The following KLHL4 variants were observed in gnomAD, a reference collection of about 807,000 sequenced individuals.
KLHL4 encodes kelch-like protein 4.
KLHL4 carries 17 observed loss-of-function variants against 45.8 expected under a neutral mutation model. The ratio of observed to expected loss-of-function variants is 0.37; its 90% confidence interval spans 0.25 to 0.56. The LOEUF is 0.56. Among genes scored for constraint, KLHL4 ranks in the 20% least tolerant of loss-of-function variants. The pLI, the probability that KLHL4 is intolerant of heterozygous loss-of-function variation, is 0.79. For synonymous variants in KLHL4, 224 were observed against 189.9 expected (o/e 1.18, Z -1.47); for missense variants, 544 against 544.9 (o/e 1.00, Z 0.02).
chrX:87,646,880 A>G (rs1399224749), intron 9 of KLHL4, among the ~76,000 whole-genome samples: 2 of 111,644 alleles, frequency 1.8e-5, no homozygotes, highest in East Asian at 2.8e-4. Flanking sequence ...AAATGCAACA[A>G]AAACAGAGAT....
intron 1 of KLHL4, among the ~76,000 whole-genome samples, chrX:87,579,032 G>C (rs1180962220): frequency 1.8e-5 from 2 of 111,215 alleles, no homozygotes; most frequent in East Asian, 5.7e-4. Flanking sequence ...AGTTTAGTAG[G>C]GGCAGCTAAG....
chrX:87,570,002 T>C (rs776988543), intron 1 of KLHL4, among the ~76,000 whole-genome samples: 5 of 111,692 alleles, frequency 4.5e-5, no homozygotes, highest in African/African-American at 1.3e-4. Flanking sequence ...TTTACCACAA[T>C]AACAATTTTT....
intron 9 of KLHL4, among the ~76,000 whole-genome samples, chrX:87,648,187 C>G (rs1174949266): frequency 2.7e-5 from 3 of 110,831 alleles, no homozygotes; most frequent in Non-Finnish European, 5.7e-5. Flanking sequence ...AAACTGTATA[C>G]ATACATGAAA....
rs938836347 is a variant in KLHL4 at position 87,669,967 on chromosome X, T to C, written c.*3433T>C. The C allele has an allele frequency of 1.8e-5, 2 of 111,870 alleles. No individual in the cohort carries two copies. Among genetic ancestry groups the C allele is most frequent in the African/African-American group, 3.2e-5 (1 of 30,778 alleles). 9.2% of individuals were successfully genotyped at this position (111,870 alleles called of 1,213,427 possible). On this transcript the variant is annotated 3_prime_UTR_variant, in exon 11 of 11. Transcript: ENST00000373119. ...CTTGATTTAATCATCCCACACTGTA[T>C]ACATATGCCAAAATATCATTTTGTA...
rs189277702 is a variant in KLHL4 at position 87,656,477 on chromosome X, G to A, written c.1926-8287G>A. Among the ~76,000 whole-genome samples the A allele has an allele frequency of 8.3e-3, 891 of 107,732 alleles. 4 individuals are homozygous for A. The highest frequency in any genetic ancestry group is 0.028 in the African/African-American group (831 of 29,724). 93.6% of individuals were successfully genotyped at this position (107,732 alleles called of 115,157 possible). A position where few individuals can be genotyped will look rare whatever the true frequency, so the allele number is the denominator to read the frequency against. On this transcript the variant is annotated intron_variant, in intron 9 of 10. Transcript: ENST00000373119. ...CTTCTGCTTGGTCTAGTCTATCGTT[G>A]AAGATTTCATCTGTATTTTGTAATT...
chrX:87,657,210 T>A (rs2147840066), intron 9 of KLHL4, among the ~76,000 whole-genome samples: 1 of 111,947 alleles, frequency 8.9e-6, no homozygotes, highest in African/African-American at 3.2e-5. Flanking sequence ...CAGATGGGTT[T>A]ATGCTTTATA....
intron 9 of KLHL4, among the ~76,000 whole-genome samples, chrX:87,643,658 A>G (rs1188411111): frequency 8.9e-6 from 1 of 111,894 alleles, no homozygotes; most frequent in East Asian, 2.8e-4. Flanking sequence ...TTCTCAACAC[A>G]GTACTAGTTA....
chrX:87,550,411 G>T (rs919563259), intron 1 of KLHL4, among the ~76,000 whole-genome samples: 1 of 111,192 alleles, frequency 9.0e-6, no homozygotes, highest in Non-Finnish European at 1.9e-5. Flanking sequence ...ATTCACAGCA[G>T]AATTTTACCA....
intron 1 of KLHL4, among the ~76,000 whole-genome samples, chrX:87,555,295 G>A (rs1469125845): frequency 5.5e-5 from 6 of 109,454 alleles, no homozygotes; most frequent in East Asian, 2.9e-4. Context: ...AAGGAATGGT[G>A]CCAGTTCCTC....
chrX:87,583,129 TGCTA>T (rs1370944258), intron 1 of KLHL4, among the ~76,000 whole-genome samples: 1 of 112,471 alleles, frequency 8.9e-6, no homozygotes, highest in Admixed American at 9.4e-5. Context: ...ACAATCCTCT[TGCTA>T]GCTACAGGGT....
At chrX:87,657,900 A>G (rs11797132) in intron 9 of KLHL4, among the ~76,000 whole-genome samples, 7,131 of 111,505 alleles carry the variant, frequency 0.064, 230 homozygotes, top group Non-Finnish European at 0.1. Flanking sequence ...GAAAAAAAGT[A>G]GTTCTCAGGC....
intron 1 of KLHL4, among the ~76,000 whole-genome samples, chrX:87,578,222 A>C (rs958895301): frequency 9.0e-6 from 1 of 111,148 alleles, no homozygotes; most frequent in Non-Finnish European, 1.9e-5. Flanking sequence ...TTTGGATTGT[A>C]TTTCCAAATA....
intron 1 of KLHL4, among the ~76,000 whole-genome samples, chrX:87,560,571 T>C (rs777618401): frequency 4.5e-5 from 5 of 111,336 alleles, no homozygotes; most frequent in African/African-American, 1.6e-4. Flanking sequence ...ATTATTCATA[T>C]ATAACTGAGA....
chrX:87,632,856 T>G (rs1923142862), intron 7 of KLHL4, among the ~76,000 whole-genome samples: 1 of 111,420 alleles, frequency 9.0e-6, no homozygotes, highest in Non-Finnish European at 1.9e-5. Context: ...TTCTTTATAC[T>G]AGGCTCCATA....
intron 1 of KLHL4, among the ~76,000 whole-genome samples, chrX:87,601,613 T>G (rs750175572): frequency 5.4e-5 from 6 of 111,375 alleles, no homozygotes; most frequent in Non-Finnish European, 7.5e-5. Context: ...AATGGAAGAC[T>G]GCCTTACCCT....
intron 1 of KLHL4, among the ~76,000 whole-genome samples, chrX:87,610,399 C>G (rs1922331867): frequency 8.9e-6 from 1 of 111,929 alleles, no homozygotes; most frequent in Non-Finnish European, 1.9e-5. Flanking sequence ...CACACACACA[C>G]ATTCAGCAGA....
chrX:87,649,666 C>A (rs1340107280), intron 9 of KLHL4, among the ~76,000 whole-genome samples: 2 of 111,640 alleles, frequency 1.8e-5, no homozygotes, highest in Non-Finnish European at 3.8e-5. Context: ...TACCTTCAGG[C>A]CTTTGACCCA....
rs772724367 is a variant in KLHL4 at position 87,563,863 on chromosome X, G to T, written c.422+45548G>T. Among the ~76,000 whole-genome samples the T allele has an allele frequency of 2.7e-5, 3 of 110,899 alleles. No homozygotes were observed. In the East Asian group the frequency reaches 8.7e-4, roughly 32 times the overall value. Reference sequence around the variant, plus strand: ...GGATGCTCAAAGCAACAAGGAAAAAGATACAAATAACACATGAAGGATTCT... The same window carrying T: ...GGATGCTCAAAGCAACAAGGAAAAATATACAAATAACACATGAAGGATTCT... On this transcript the variant is annotated intron_variant, in intron 1 of 10. Transcript: ENST00000373119.
chrX:87,616,841 A>G (rs1431238942), intron 3 of KLHL4, among the ~76,000 whole-genome samples: 1 of 111,465 alleles, frequency 9.0e-6, no homozygotes, highest in East Asian at 2.8e-4. Flanking sequence ...AATACAAGAG[A>G]GTCTGCTGAT....
Sources: gnomAD v4.1 joint callset for allele counts (sites outside exome capture counted in the v4.1 genomes callset) on GRCh38, gnomAD v4.1.1 for gene constraint, MANE v1.5 for transcripts, NCBI Gene and HGNC (gene_info 2026-07-23, HGNC 2026-07-21) for gene names.